Variants in IL12B observed in about 807,000 individuals in gnomAD.
IL12B encodes interleukin 12B, also known as interleukin-12 subunit beta.
Under a neutral mutation model 39.2 loss-of-function variants are expected in IL12B, and 27 were observed. The observed-to-expected ratio is 0.69, with a 90% CI of 0.51 to 0.95. The LOEUF (loss-of-function observed/expected upper bound fraction) is 0.95. IL12B is among the 40% of genes least tolerant of loss of function. IL12B has a pLI of 0.00. For missense variants in IL12B, 351 were observed against 397.6 expected, an observed-to-expected ratio of 0.88 and a Z score of 1.00; for synonymous variants, 142 against 152.1, an observed-to-expected ratio of 0.93 and a Z score of 0.49.
At chr5:159,323,403 G>A (rs949117901) in intron 2 of IL12B, 74 bp from the exon 3 acceptor site, 30 of 1,431,034 alleles carry the variant, frequency 2.1e-5, no homozygotes, top group African/African-American at 2.0e-4. Flanking sequence ...TTAACCCTTC[G>A]GGCATCCCCA....
intron 2 of IL12B, among the ~76,000 whole-genome samples, chr5:159,324,417 C>T (rs916611008): frequency 2.0e-5 from 3 of 152,108 alleles, no homozygotes; most frequent in African/African-American, 7.2e-5. Context: ...TGTAGTAGTT[C>T]CCAAAGCATG....
intron 1 of IL12B, among the ~76,000 whole-genome samples, 181 bp downstream of exon 1, chr5:159,330,251 A>T (rs113249006): frequency 6.6e-6 from 1 of 152,218 alleles, no homozygotes; most frequent in Non-Finnish European, 1.5e-5. Context: ...GACACTGTAC[A>T]TCGGTCCCTA....
At position 159,314,841 on chromosome 5, in the gene IL12B, TAAAC is replaced by T. The variant is rs958742642; in HGVS notation, c.*1256_*1259del. On this transcript the variant is annotated 3_prime_UTR_variant, in exon 8 of 8. Coordinates refer to ENST00000231228, the MANE Select transcript of IL12B (RefSeq NM_002187.3). ...CAGAATGCAAAAATAAATAAATAAA[TAAAC>T]AAACAGGAAACAAATGTAATCACTT... The T allele has an allele frequency of 9.2e-5, 14 of 152,208 alleles. No homozygotes were observed. Among genetic ancestry groups the T allele is most frequent in the African/African-American group, 2.7e-4 (11 of 41,420 alleles). 9.4% of individuals were successfully genotyped at this position (152,208 alleles called of 1,614,324 possible). A position where few individuals can be genotyped will look rare whatever the true frequency, so the allele number is the denominator to read the frequency against.
At chr5:159,326,652 T>G (rs775641111) in intron 2 of IL12B, 43 bp downstream of exon 2, 1 of 1,403,670 alleles carries the variant, frequency 7.1e-7, no homozygotes, top group African/African-American at 1.4e-5. Context: ...GAGTCCTGGC[T>G]TAGAAGTGGG....
chr5:159,329,085 G>A (rs1017217598), intron 1 of IL12B, among the ~76,000 whole-genome samples: 5 of 152,152 alleles, frequency 3.3e-5, no homozygotes, highest in South Asian at 4.1e-4. Context: ...GGGACCCCAC[G>A]TTACACACTC....
intron 6 of IL12B, among the ~76,000 whole-genome samples, chr5:159,317,664 G>A (rs1410907213): frequency 1.4e-4 from 21 of 152,208 alleles, no homozygotes; most frequent in Admixed American, 1.3e-3. Context: ...AGGAAGCTGG[G>A]AAGCCAATAT....
intron 4 of IL12B, 60 bp from the exon 5 acceptor site, chr5:159,320,580 T>C (rs1488807543): frequency 5.7e-6 from 8 of 1,411,206 alleles, no homozygotes; most frequent in Non-Finnish European, 8.0e-6. Context: ...TCCTAGTGAT[T>C]GTAGCCAGTA....
intron 5 of IL12B, among the ~76,000 whole-genome samples, chr5:159,319,552 G>T (rs1303381735): frequency 3.3e-5 from 5 of 152,200 alleles, no homozygotes; most frequent in Non-Finnish European, 5.9e-5. Context: ...GTGTGGTTGG[G>T]CTCTGTAGGC....
intron 1 of IL12B, among the ~76,000 whole-genome samples, chr5:159,327,382 C>T (rs1192974309): frequency 1.3e-5 from 2 of 152,220 alleles, no homozygotes; most frequent in Non-Finnish European, 2.9e-5. Flanking sequence ...AACTGAAGGA[C>T]TTGGGTTAGG....
intron 2 of IL12B, among the ~76,000 whole-genome samples, 169 bp downstream of exon 2, chr5:159,326,526 C>A (rs1584756586): frequency 6.6e-6 from 1 of 152,044 alleles, no homozygotes; most frequent in East Asian, 1.9e-4. Context: ...ATATAGATAC[C>A]ATCAAAGTAG....
chr5:159,323,869 A>C (rs1428929886), intron 2 of IL12B, among the ~76,000 whole-genome samples: 1 of 151,102 alleles, frequency 6.6e-6, no homozygotes, highest in Non-Finnish European at 1.5e-5. Flanking sequence ...TAATAATAAC[A>C]GTATCTGCCT....
chr5:159,317,088 C>T (rs1012723021), intron 6 of IL12B, among the ~76,000 whole-genome samples: 5 of 152,160 alleles, frequency 3.3e-5, no homozygotes, highest in African/African-American at 9.7e-5. Context: ...GCCTCAAGAC[C>T]CCATGGCCAC....
intron 7 of IL12B, among the ~76,000 whole-genome samples, chr5:159,316,386 T>C (rs1317536888): frequency 6.6e-6 from 1 of 152,248 alleles, no homozygotes; most frequent in African/African-American, 2.4e-5. Flanking sequence ...CCTGCAAGCT[T>C]GCAAGTCCTC....
At chr5:159,327,637 C>T (rs896037665) in intron 1 of IL12B, among the ~76,000 whole-genome samples, 4 of 152,186 alleles carry the variant, frequency 2.6e-5, no homozygotes, top group African/African-American at 9.7e-5. Context: ...TGAGAATATG[C>T]ATTTCTAGAA....
At chr5:159,327,192 G>A (rs902980990) in intron 1 of IL12B, among the ~76,000 whole-genome samples, 1 of 152,090 alleles carries the variant, frequency 6.6e-6, no homozygotes. Flanking sequence ...AAGAGCACTG[G>A]GCTAGAAGCA....
chr5:159,329,157 C>T (rs1412613933), intron 1 of IL12B, among the ~76,000 whole-genome samples: 5 of 152,118 alleles, frequency 3.3e-5, no homozygotes, highest in South Asian at 2.1e-4. Flanking sequence ...ATGCCAATGA[C>T]GCTTGGGTGG....
rs1422569818 is a variant in IL12B, at chr5:159,314,947, T to A, written c.*1154A>T. 1 of 152,384 alleles carries A rather than the reference T, an allele frequency of 6.6e-6. No homozygotes were observed. The allele number at this position is 152,384 out of a possible 1,614,324, so 9.4% of individuals were successfully genotyped here. A position where few individuals can be genotyped will look rare whatever the true frequency, so the allele number is the denominator to read the frequency against. ...TTCTGGTCATAATTGTGTATCAGGT[T>A]CATTCATGCTAATGAGAAAGGGATT... On this transcript the variant is annotated 3_prime_UTR_variant, in exon 8 of 8. Coordinates refer to ENST00000231228, the MANE Select transcript of IL12B (RefSeq NM_002187.3).
rs767350741 is a variant in IL12B at position 159,322,461 on chromosome 5, G to A, written c.415C>T (p.Arg139Cys). The A allele has an allele frequency of 3.1e-6, 5 of 1,613,772 alleles. No individual in the cohort carries two copies. In the Admixed American group the frequency reaches 5.0e-5, roughly 16 times the overall value. Residue 139 changes from arginine to cysteine, a missense_variant, in exon 4 of 8, where the codon CGT becomes TGT. Coordinates refer to ENST00000231228, the MANE Select transcript of IL12B (RefSeq NM_002187.3). The stretch of plus-strand genomic sequence containing the variant: ...GTCGTCAGCCACCAGCAGGTGAAAC[G>A]TCCAGAATAATTCTTGGCCTCGCAT... ...LRCEAKNYSG[R>C]FTCWWLTTIS...
At chr5:159,317,828 G>C (rs999586441) in intron 6 of IL12B, among the ~76,000 whole-genome samples, 2 of 152,210 alleles carry the variant, frequency 1.3e-5, no homozygotes, top group Non-Finnish European at 2.9e-5. Flanking sequence ...GGCTTCTGGA[G>C]CCCAGGTCTC....
Sources: allele counts gnomAD v4.1 joint callset (sites outside exome capture counted in the v4.1 genomes callset), GRCh38; gene constraint gnomAD v4.1.1; transcripts MANE v1.5; gene names NCBI Gene and HGNC (gene_info 2026-07-23, HGNC 2026-07-21).